Variants in SANBR observed in about 807,000 individuals in gnomAD.
The protein encoded by SANBR is SANT and BTB domain regulator of CSR.
A neutral mutation model predicts 101.8 loss-of-function variants in SANBR; 77 were observed. The ratio of observed to expected loss-of-function variants is 0.76; its 90% CI spans 0.63 to 0.91. The LOEUF is 0.91. Among genes scored for constraint, SANBR ranks in the 40% least tolerant of loss-of-function variants. The probability of loss-of-function intolerance (pLI) is 0.00; values close to 1 mark genes in which losing one functional copy is unlikely to be tolerated. For synonymous variants in SANBR, 279 were observed against 274.7 expected, an observed-to-expected ratio of 1.02 and a Z score of -0.15; for missense variants, 875 against 853.0, an observed-to-expected ratio of 1.03 and a Z score of -0.32.
chr2:61,103,721 A>C, intron 12 of SANBR, 132 bp from the exon 13 acceptor site: 1 of 755,514 alleles, frequency 1.3e-6, no homozygotes, highest in South Asian at 1.9e-5. Context: ...TGTATGAGGA[A>C]TGTTTTTCTT....
chr2:61,113,610 T>G (rs865833725), intron 16 of SANBR, among the ~76,000 whole-genome samples: 2 of 152,240 alleles, frequency 1.3e-5, no homozygotes, highest in African/African-American at 4.8e-5. Flanking sequence ...CGGTTGCTCA[T>G]TGATGGTAAT....
chr2:61,132,859 T>C (rs565374135), intron 20 of SANBR, among the ~76,000 whole-genome samples: 88 of 152,300 alleles, frequency 5.8e-4, no homozygotes, highest in Non-Finnish European at 5.9e-5. Context: ...TTTTGCTAAG[T>C]GAAAGAAGCC....
At chr2:61,089,331 T>A in intron 10 of SANBR, 1 of 229,162 alleles carries the variant, frequency 4.4e-6, no homozygotes, top group Non-Finnish European at 7.2e-6. Flanking sequence ...ACCAACATGG[T>A]GAGACCCCGT....
intron 4 of SANBR, 44 bp downstream of exon 4, chr2:61,071,836 T>A (rs576943213): frequency 8.1e-7 from 1 of 1,229,150 alleles, no homozygotes; most frequent in East Asian, 2.5e-5. Flanking sequence ...TTATGAAAAT[T>A]CTGCAGAATA....
At chr2:61,130,745 G>A (rs551494785) in intron 20 of SANBR, among the ~76,000 whole-genome samples, 2 of 151,106 alleles carry the variant, frequency 1.3e-5, no homozygotes, top group South Asian at 2.1e-4. Context: ...TCAGGAGTTC[G>A]ACACCAGCCT....
Position 61,109,282 on chromosome 2 carries a change from T to C in SANBR, c.1730T>C (p.Val577Ala). The change falls in exon 16 of 22, where the codon GTA becomes GCA. Residue 577 changes from valine (V) to alanine (A), a missense_variant. By Grantham distance (64) the Val-to-Ala change is moderately conservative (BLOSUM62 0). Transcript: ENST00000402291. Reference sequence around the variant, plus strand: ...GATGAAGTTGGAGATGAAGAAGAAGTATCCAAGAAACAAAGTATTGGTTTA... The same window carrying C: ...GATGAAGTTGGAGATGAAGAAGAAGCATCCAAGAAACAAAGTATTGGTTTA... ...TEDEVGDEEE[V>A]SKKQRKKEKP... 3 of 1,557,190 alleles carry C rather than the reference T, an allele frequency of 1.9e-6. No individual in the cohort carries two copies. The highest frequency in any genetic ancestry group is 1.8e-6 in the Non-Finnish European group (2 of 1,142,078).
chr2:61,128,367 A>C (rs551562099), downstream of SANBR, among the ~76,000 whole-genome samples: 1 of 152,104 alleles, frequency 6.6e-6, no homozygotes, highest in South Asian at 2.1e-4. Context: ...AAGGCAGTGG[A>C]TAACAGCCCA....
chr2:61,132,087 G>A (rs1390962825), intron 20 of SANBR, among the ~76,000 whole-genome samples: 1 of 151,766 alleles, frequency 6.6e-6, no homozygotes, highest in African/African-American at 2.4e-5. Context: ...AAGCATAGGG[G>A]TAAATCTTCG....
rs577156498 is a variant in SANBR, at chr2:61,106,535, C to T, written c.1512-28C>T. ...TAAATTTTTAAGAAAGTAAACTCTTCTCCGTAAAAATGTCTTTTTCTTTCA... is the reference window on the plus strand; with the variant it reads ...TAAATTTTTAAGAAAGTAAACTCTTTTCCGTAAAAATGTCTTTTTCTTTCA... On this transcript the variant is annotated intron_variant, in intron 13 of 21. Transcript: ENST00000402291. The T allele has an allele frequency of 2.1e-6, 3 of 1,415,106 alleles. No individual in the cohort carries two copies. The South Asian group carries it at 3.7e-5, about 18-fold the overall frequency. 87.7% of individuals were successfully genotyped at this position (1,415,106 alleles called of 1,614,324 possible). A position where few individuals can be genotyped will look rare whatever the true frequency, so the allele number is the denominator to read the frequency against.
chr2:61,106,588 G>A lies in SANBR; in HGVS notation c.1537G>A (p.Glu513Lys). The change falls in exon 14 of 22, where the codon GAA (glutamate) becomes AAA (lysine). Residue 513 changes from glutamate (E) to lysine (K), a missense_variant. Coordinates refer to ENST00000402291, the MANE Select transcript of SANBR (RefSeq NM_001129993.3). Reference sequence around the variant, plus strand: ...TGATGTTGGGGTTGGCCTCTGTGATGAAAAGGGTATAGAATGTGATGTTTT... The same window carrying A: ...TGATGTTGGGGTTGGCCTCTGTGATAAAAAGGGTATAGAATGTGATGTTTT... ...VSDVGVGLCD[E>K]KGIECDVLLE... 6.2e-7 allele frequency: 1 copy of A among 1,602,098 alleles called. No homozygotes were observed. The highest frequency in any genetic ancestry group is 8.5e-7 in the Non-Finnish European group (1 of 1,176,434).
At chr2:61,105,673 C>T (rs1436971769) in intron 13 of SANBR, among the ~76,000 whole-genome samples, 1 of 144,330 alleles carries the variant, frequency 6.9e-6, no homozygotes, top group African/African-American at 2.6e-5. Flanking sequence ...GCCGCACCCC[C>T]CTCCTTTCTT....
exon 22 of SANBR, chr2:61,137,807 T>C (rs1413141721): frequency 6.6e-6 from 1 of 152,208 alleles, no homozygotes; most frequent in Non-Finnish European, 1.5e-5. Flanking sequence ...TTGATGCTTA[T>C]TATGCCCATG....
At position 61,122,186 on chromosome 2, in the gene SANBR, A is replaced by G. The variant is rs1305660661; in HGVS notation, c.*24A>G. 7.8e-6 allele frequency: 12 copies of G among 1,548,020 alleles called. No individual in the cohort carries two copies. The highest frequency in any genetic ancestry group is 1.0e-5 in the Non-Finnish European group (12 of 1,145,068). On this transcript the variant is annotated 3_prime_UTR_variant, in exon 22 of 22. Transcript: ENST00000402291. ...AAAGTACCTTAAAATATAAGTAAAA[A>G]GAGAGAAGGCACTCTTCTGGACATC...
chr2:61,094,638 CTTTT>C (rs35061669), intron 11 of SANBR, among the ~76,000 whole-genome samples: 2 of 79,016 alleles, frequency 2.5e-5, no homozygotes, highest in Admixed American at 1.4e-4. Flanking sequence ...TATTTCTCTT[CTTTT>C]TTTTTTTTTT....
rs1273054729 is a variant in SANBR, at chr2:61,123,755, A to C, written c.*1593A>C. The C allele has an allele frequency of 2.0e-6, 2 of 985,452 alleles. No individual in the cohort carries two copies. Among genetic ancestry groups the C allele is most frequent in the African/African-American group, 3.5e-5 (2 of 57,252 alleles). 61.0% of individuals were successfully genotyped at this position (985,452 alleles called of 1,614,324 possible). On this transcript the variant is annotated 3_prime_UTR_variant, in exon 22 of 22. Transcript: ENST00000402291. The stretch of plus-strand genomic sequence containing the variant: ...TCCCCTGGGAGGCCTATACCACTGA[A>C]TTAATTTTTACAAACCAGAGTTTAT...
intron 6 of SANBR, 23 bp downstream of exon 6, chr2:61,077,181 A>T: frequency 2.0e-6 from 3 of 1,520,072 alleles, no homozygotes; most frequent in Non-Finnish European, 2.7e-6. Context: ...CTGTTGCTTA[A>T]TTTGTAGTGA....
At chr2:61,098,566 A>G (rs374208141) in intron 12 of SANBR, among the ~76,000 whole-genome samples, 26 of 152,290 alleles carry the variant, frequency 1.7e-4, no homozygotes, top group South Asian at 6.2e-4. Flanking sequence ...CCATTCTCCT[A>G]TTAATGAACA....
chr2:61,130,903 C>G lies in SANBR; in HGVS notation c.2029-3234C>G, dbSNP rs1157397643. ...CGAGATCACACCATTGCACTCCAGTCTGGGTGACAGAGCGAGACTCTGTCT... is the reference window on the plus strand; with the variant it reads ...CGAGATCACACCATTGCACTCCAGTGTGGGTGACAGAGCGAGACTCTGTCT... On this transcript the variant is annotated intron_variant, in intron 20 of 21. Transcript: ENST00000295031. Among the ~76,000 whole-genome samples, 4 of 107,694 alleles carry G rather than the reference C, an allele frequency of 3.7e-5. No homozygotes were observed. The Admixed American group carries it at 4.5e-4, about 12-fold the overall frequency. 70.7% of individuals were successfully genotyped at this position (107,694 alleles called of 152,430 possible). A position where few individuals can be genotyped will look rare whatever the true frequency, so the allele number is the denominator to read the frequency against.
intron 6 of SANBR, among the ~76,000 whole-genome samples, chr2:61,079,293 A>G (rs536921818): frequency 6.6e-6 from 1 of 152,286 alleles, no homozygotes; most frequent in East Asian, 1.9e-4. Flanking sequence ...TAGTATTACT[A>G]GTAGAATTAC....
Sources: allele counts gnomAD v4.1 joint callset (sites outside exome capture counted in the v4.1 genomes callset), GRCh38; gene constraint gnomAD v4.1.1; transcripts MANE v1.5; gene names NCBI Gene and HGNC (gene_info 2026-07-23, HGNC 2026-07-21).